The following CHD5 variants were observed in gnomAD, a reference collection of about 807,000 sequenced individuals.
CHD5 encodes the protein chromodomain helicase DNA binding protein 5.
A neutral mutation model predicts 230.3 loss-of-function variants in CHD5; 69 were observed. That is an observed-to-expected ratio of 0.30 (90% CI 0.25 to 0.37). CHD5 has a LOEUF of 0.37. Among genes scored for constraint, CHD5 ranks in the 10% least tolerant of loss-of-function variants. The pLI is 1.00. For missense variants in CHD5, 1,827 were observed against 2,622.8 expected, an observed-to-expected ratio of 0.70 and a Z score of 6.63; for synonymous variants, 1,064 against 1,065.9, an observed-to-expected ratio of 1.00 and a Z score of 0.03.
chr1:6,130,335 AAG>A lies in CHD5; in HGVS notation c.3263-9_3263-8del. ...AACTGCTGGGCCCCGGGGGCTGAAAAAGAGAGGCCAGCAGATGGGAGTGTTTG... is the reference window on the plus strand; with the variant it reads ...AACTGCTGGGCCCCGGGGGCTGAAAAAGAGGCCAGCAGATGGGAGTGTTTG... On this transcript the variant is annotated splice_region_variant and splice_polypyrimidine_tract_variant and intron_variant, in intron 21 of 41. Coordinates refer to ENST00000262450, the MANE Select transcript of CHD5 (RefSeq NM_015557.3). This position sits in a 1 kb window ranked among gnomAD's most constrained non-coding sequence, Gnocchi z 4.9. 2 of 1,613,232 alleles carry A rather than the reference AAG, an allele frequency of 1.2e-6. No individual in the cohort carries two copies. Among genetic ancestry groups the A allele is most frequent in the Non-Finnish European group, 1.7e-6 (2 of 1,179,680 alleles).
chr1:6,105,050 C>T lies in CHD5; in HGVS notation c.*424G>A, dbSNP rs1343434537. ...TGCCAGGACTACCTTGGGTCTGGAA[C>T]CCATCGGTAAAGAGACATCAGTGCT... is the stretch of plus-strand genomic sequence containing the variant. On this transcript the variant is annotated 3_prime_UTR_variant, in exon 42 of 42. Transcript: ENST00000262450. The surrounding 1 kb of genome is among the most constrained non-coding windows in gnomAD (Gnocchi z 4.8). 1 of 290,714 alleles carries T rather than the reference C, an allele frequency of 3.4e-6. No homozygotes were observed. Among genetic ancestry groups the T allele is most frequent in the African/African-American group, 2.2e-5 (1 of 44,892 alleles). The allele number at this position is 290,714 out of a possible 1,614,324, so 18.0% of individuals were successfully genotyped here. A position where few individuals can be genotyped will look rare whatever the true frequency, so the allele number is the denominator to read the frequency against.
chr1:6,115,442 A>G (rs1289890837), intron 33 of CHD5, among the ~76,000 whole-genome samples: 1 of 152,124 alleles, frequency 6.6e-6, no homozygotes, highest in Non-Finnish European at 1.5e-5. Context: ...TGACCTTAAA[A>G]CAGGGAGATG....
rs964340078 is a variant in CHD5 at position 6,130,076 on chromosome 1, G to A, written c.3387+128C>T. On this transcript the variant is annotated intron_variant, in intron 22 of 41. Coordinates refer to ENST00000262450, the MANE Select transcript of CHD5 (RefSeq NM_015557.3). This position sits in a 1 kb window ranked among gnomAD's most constrained non-coding sequence, Gnocchi z 4.9. ...CCCCTCTTGGGGCCGAGACTCCACG[G>A]GGGAGGGAGGCCCACAGCACCAGGA... 5 of 1,097,212 alleles carry A rather than the reference G, an allele frequency of 4.6e-6. No individual in the cohort carries two copies. The highest frequency in any genetic ancestry group is 4.3e-5 in the South Asian group (3 of 70,382). The allele number at this position is 1,097,212 out of a possible 1,614,324, so 68.0% of individuals were successfully genotyped here. A position where few individuals can be genotyped will look rare whatever the true frequency, so the allele number is the denominator to read the frequency against.
In CHD5 at chr1:6,148,917, C is replaced by A. The variant is rs762285900; in HGVS notation, c.1320G>T (p.Leu440=). 4.8e-5 allele frequency: 77 copies of A among 1,592,108 alleles called. No individual in the cohort carries two copies. The highest frequency in any genetic ancestry group is 6.0e-5 in the Non-Finnish European group (70 of 1,168,632). Residue 440 remains leucine (L), a synonymous_variant, in exon 9 of 42, where the codon CTG becomes CTT. Coordinates refer to ENST00000262450, the MANE Select transcript of CHD5 (RefSeq NM_015557.3). ...CCDACPSSYH[L]HCLNPPLPEI... Reference sequence around the variant, plus strand: ...CGGGCAGCGGCGGGTTGAGGCAATGCAGGTGGTAGGAGGAGGGGCAGGCGT... The same window carrying A: ...CGGGCAGCGGCGGGTTGAGGCAATGAAGGTGGTAGGAGGAGGGGCAGGCGT...
At chr1:6,107,763 TGATGGAGG>T (rs1666215568) in intron 38 of CHD5, among the ~76,000 whole-genome samples, 1 of 98,636 alleles carries the variant, frequency 1.0e-5, no homozygotes, top group Non-Finnish European at 2.1e-5. Context: ...GATGGAGGGA[TGATGGAGG>T]GATGGAGGGA....
chr1:6,116,662 G>A (rs988179562), intron 33 of CHD5, among the ~76,000 whole-genome samples: 2 of 152,208 alleles, frequency 1.3e-5, no homozygotes, highest in Non-Finnish European at 2.9e-5. Context: ...ATAAAAAAAG[G>A]AAGAATATCT....
Position 6,129,163 on chromosome 1 carries a change from T to G in CHD5, c.3388-94A>C. ...ATGAGCTCAAGAGCATGGAATGGGC[T>G]GCATGACTGTGTAGGGAAAGGCGTG... On this transcript the variant is annotated intron_variant, in intron 22 of 41. Coordinates refer to ENST00000262450, the MANE Select transcript of CHD5 (RefSeq NM_015557.3). The surrounding 1 kb of genome is among the most constrained non-coding windows in gnomAD (Gnocchi z 6.8). The G allele has an allele frequency of 2.4e-6, 2 of 829,362 alleles. No individual in the cohort carries two copies. Among genetic ancestry groups the G allele is most frequent in the Non-Finnish European group, 3.9e-6 (2 of 516,076 alleles). 51.4% of individuals were successfully genotyped at this position (829,362 alleles called of 1,614,324 possible). A position where few individuals can be genotyped will look rare whatever the true frequency, so the allele number is the denominator to read the frequency against.
At position 6,126,802 on chromosome 1, in the gene CHD5, G is replaced by A; in HGVS notation, c.3904-56C>T. The A allele has an allele frequency of 6.5e-7, 1 of 1,534,714 alleles. No individual in the cohort carries two copies. Among genetic ancestry groups the A allele is most frequent in the South Asian group, 1.2e-5 (1 of 83,308 alleles). On this transcript the variant is annotated intron_variant, in intron 25 of 41. Coordinates refer to ENST00000262450, the MANE Select transcript of CHD5 (RefSeq NM_015557.3). This position sits in a 1 kb window ranked among gnomAD's most constrained non-coding sequence, Gnocchi z 5.7. ...TGGAGCCATCTCTGCCCTCCCGGAA[G>A]CCTCAGGCTGCCTCCACCTGACCTG...
At position 6,125,723 on chromosome 1, in the gene CHD5, CA is replaced by C. The variant is rs781331495; in HGVS notation, c.4171+42del. 7.6e-5 allele frequency: 121 copies of C among 1,590,710 alleles called. No homozygotes were observed. The highest frequency in any genetic ancestry group is 1.0e-4 in the Non-Finnish European group (116 of 1,158,792). ...CTCCTGCTGCCATCAGCTCCCCTGA[CA>C]TGGCCTCAGCAGTAGCCCAGACCAC... On this transcript the variant is annotated intron_variant, in intron 27 of 41. Coordinates refer to ENST00000262450, the MANE Select transcript of CHD5 (RefSeq NM_015557.3). This position sits in a 1 kb window ranked among gnomAD's most constrained non-coding sequence, Gnocchi z 6.7.
At chr1:6,112,329 C>A (rs1666305890) in intron 34 of CHD5, 52 bp from the exon 35 acceptor site, 2 of 1,599,382 alleles carry the variant, frequency 1.3e-6, no homozygotes, top group South Asian at 2.2e-5. Flanking sequence ...AAGCAGTGCC[C>A]AGCGGCCTCT....
intron 33 of CHD5, among the ~76,000 whole-genome samples, chr1:6,118,884 G>C (rs1410917967): frequency 6.6e-6 from 1 of 151,840 alleles, no homozygotes; most frequent in East Asian, 1.9e-4. Flanking sequence ...TTTTAGTAGA[G>C]ACAGGGTTTC....
At position 6,155,566 on chromosome 1, in the gene CHD5, G is replaced by T; in HGVS notation, c.506+33C>A. On this transcript the variant is annotated intron_variant, in intron 4 of 41. Coordinates refer to ENST00000262450, the MANE Select transcript of CHD5 (RefSeq NM_015557.3). The surrounding 1 kb of genome is among the most constrained non-coding windows in gnomAD (Gnocchi z 4.0). ...GACTTGGTACCACCAGAGGATGTGC[G>T]GGCCTGGAGAACAGCCCTAGTGCCC... is the stretch of plus-strand genomic sequence containing the variant. The T allele has an allele frequency of 6.5e-7, 1 of 1,548,060 alleles. No homozygotes were observed. Among genetic ancestry groups the T allele is most frequent in the Non-Finnish European group, 8.9e-7 (1 of 1,120,326 alleles).
intron 7 of CHD5, among the ~76,000 whole-genome samples, chr1:6,149,631 G>A (rs1666968896): frequency 6.6e-6 from 1 of 152,192 alleles, no homozygotes; most frequent in African/African-American, 2.4e-5. Flanking sequence ...AGGAGAGTGG[G>A]TGGATGGGTA....
At chr1:6,168,723 G>A (rs61062646) in intron 1 of CHD5, among the ~76,000 whole-genome samples, 8,732 of 152,158 alleles carry the variant, frequency 0.057, 374 homozygotes, top group East Asian at 0.18. Flanking sequence ...GAGGTGGCTC[G>A]AGAATGCTGG....
At chr1:6,122,231 C>T (rs773391553) in intron 31 of CHD5, among the ~76,000 whole-genome samples, 1 of 152,220 alleles carries the variant, frequency 6.6e-6, no homozygotes, top group East Asian at 1.9e-4. Flanking sequence ...GCCTGTGAGG[C>T]CCAACCGACG....
Position 6,102,900 on chromosome 1 carries a change from A to G in CHD5, c.*2574T>C, listed in dbSNP as rs1372674509. 2 of 152,450 alleles carry G rather than the reference A, an allele frequency of 1.3e-5. No homozygotes were observed. Among genetic ancestry groups the G allele is most frequent in the Admixed American group, 6.5e-5 (1 of 15,288 alleles). The allele number at this position is 152,450 out of a possible 1,614,324, so 9.4% of individuals were successfully genotyped here. ...CCCGAGTCACCTGAGCCCATGGGGC[A>G]ATGCCTTCCAAGACCTTGGCTCAAA... On this transcript the variant is annotated 3_prime_UTR_variant, in exon 42 of 42. Transcript: ENST00000262450.
At chr1:6,179,900 G>C in intron 1 of CHD5, 45 bp downstream of exon 1, 1 of 1,135,012 alleles carries the variant, frequency 8.8e-7, no homozygotes, top group Non-Finnish European at 1.1e-6. Context: ...GCCCGTCTCG[G>C]CGCCCCCGCC....
In CHD5 at chr1:6,104,970, C is replaced by T; in HGVS notation, c.*504G>A. 4.9e-6 allele frequency: 1 copy of T among 204,648 alleles called. No homozygotes were observed. Among genetic ancestry groups the T allele is most frequent in the Non-Finnish European group, 1.0e-5 (1 of 100,312 alleles). The allele number at this position is 204,648 out of a possible 1,614,324, so 12.7% of individuals were successfully genotyped here. On this transcript the variant is annotated 3_prime_UTR_variant, in exon 42 of 42. Coordinates refer to ENST00000262450, the MANE Select transcript of CHD5 (RefSeq NM_015557.3). ...CAGGTCAGGTAGGGGACACTGAGGG[C>T]TCCTAGGGCACCGGGCGCCATGTCC...
chr1:6,146,606 G>A lies in CHD5; in HGVS notation c.1590+59C>T. 1 of 1,567,632 alleles carries A rather than the reference G, an allele frequency of 6.4e-7. No homozygotes were observed. Among genetic ancestry groups the A allele is most frequent in the Non-Finnish European group, 8.8e-7 (1 of 1,138,886 alleles). On this transcript the variant is annotated intron_variant, in intron 10 of 41. Transcript: ENST00000262450. This position sits in a 1 kb window ranked among gnomAD's most constrained non-coding sequence, Gnocchi z 5.1. Reference sequence around the variant, plus strand: ...CTTCAGCCCCTTCCCGCCAGCCCAGGAGGGTCCAGGGCTCACCAGGTCCCG... The same window carrying A: ...CTTCAGCCCCTTCCCGCCAGCCCAGAAGGGTCCAGGGCTCACCAGGTCCCG...
Sources: gnomAD v4.1 joint callset for allele counts (sites outside exome capture counted in the v4.1 genomes callset) on GRCh38, gnomAD v4.1.1 for gene constraint, Gnocchi (gnomAD v3.1) non-coding constraint, MANE v1.5 for transcripts, NCBI Gene and HGNC (gene_info 2026-07-23, HGNC 2026-07-21) for gene names.